ARB2A: variants seen among roughly 807,000 people sequenced by gnomAD.
ARB2A encodes the protein ARB2 cotranscriptional regulator A, also known as cotranscriptional regulator ARB2A.
chr5:94,056,422 CA>C, the ARB2A span, among the ~76,000 whole-genome samples: 1 of 151,920 alleles, frequency 6.6e-6, no homozygotes, highest in African/African-American at 2.4e-5. Context: ...AAGAGAAAAG[CA>C]ATAATGTAAA....
the ARB2A span, among the ~76,000 whole-genome samples, chr5:93,681,241 T>C: frequency 3.9e-5 from 6 of 152,192 alleles, no homozygotes; most frequent in Non-Finnish European, 7.4e-5. Context: ...ATATTCTAAC[T>C]GGTCTTCTGA....
At chr5:93,670,392 C>T in the ARB2A span, among the ~76,000 whole-genome samples, 4 of 152,302 alleles carry the variant, frequency 2.6e-5, no homozygotes, top group South Asian at 8.3e-4. Flanking sequence ...GTTCTACCTG[C>T]TACAGGCTCA....
the ARB2A span, among the ~76,000 whole-genome samples, chr5:93,692,434 A>G: frequency 6.6e-6 from 1 of 152,228 alleles, no homozygotes; most frequent in Non-Finnish European, 1.5e-5. Flanking sequence ...ACCAACAAAG[A>G]TCAAAAGAGA....
the ARB2A span, among the ~76,000 whole-genome samples, chr5:93,890,638 T>A: frequency 9.2e-5 from 14 of 152,142 alleles, no homozygotes; most frequent in South Asian, 2.9e-3. Flanking sequence ...ATGGGGATTT[T>A]AAACTAATGA....
the ARB2A span, among the ~76,000 whole-genome samples, chr5:93,741,969 A>G: frequency 2.0e-5 from 3 of 152,200 alleles, no homozygotes; most frequent in East Asian, 5.8e-4. Context: ...TTAAATATCT[A>G]TATGCCAGAT....
the ARB2A span, among the ~76,000 whole-genome samples, chr5:93,775,263 C>T: frequency 6.6e-6 from 1 of 152,114 alleles, no homozygotes; most frequent in Admixed American, 6.5e-5. Flanking sequence ...AATATGTACA[C>T]ATATTTTCAA....
the ARB2A span, among the ~76,000 whole-genome samples, chr5:93,951,474 T>G: frequency 6.6e-6 from 1 of 152,184 alleles, no homozygotes; most frequent in African/African-American, 2.4e-5. Flanking sequence ...CTTAAATTTT[T>G]TAATCTATTT....
chr5:93,795,261 G>A, the ARB2A span, among the ~76,000 whole-genome samples: 7 of 151,920 alleles, frequency 4.6e-5, no homozygotes, highest in African/African-American at 1.5e-4. Context: ...GCCTCACCCC[G>A]CTCCCATGCG....
the ARB2A span, among the ~76,000 whole-genome samples, chr5:94,059,054 T>C: frequency 2.6e-5 from 4 of 152,072 alleles, no homozygotes; most frequent in African/African-American, 9.7e-5. Context: ...ATCAGCACTA[T>C]GCTTCAGGTA....
At chr5:93,687,637 T>C in the ARB2A span, among the ~76,000 whole-genome samples, 5 of 152,244 alleles carry the variant, frequency 3.3e-5, no homozygotes, top group East Asian at 5.8e-4. Context: ...ATTTTTATAA[T>C]TGGAAAAAAG....
the ARB2A span, among the ~76,000 whole-genome samples, chr5:94,006,264 G>C: frequency 6.6e-6 from 1 of 152,104 alleles, no homozygotes; most frequent in East Asian, 1.9e-4. Context: ...AGTAAAAACA[G>C]CCAATCCCAA....
chr5:93,974,338 T>C, the ARB2A span, among the ~76,000 whole-genome samples: 2 of 152,150 alleles, frequency 1.3e-5, no homozygotes, highest in African/African-American at 4.8e-5. Flanking sequence ...CTATATCAGA[T>C]AAAATAGACT....
At chr5:93,899,272 A>G in the ARB2A span, among the ~76,000 whole-genome samples, 1 of 152,066 alleles carries the variant, frequency 6.6e-6, no homozygotes, top group East Asian at 1.9e-4. Flanking sequence ...CTACCTACAA[A>G]CTCTGTCACA....
chr5:93,716,371 A>T, the ARB2A span, among the ~76,000 whole-genome samples: 1 of 152,194 alleles, frequency 6.6e-6, no homozygotes, highest in South Asian at 2.1e-4. Flanking sequence ...TTACATCTTT[A>T]TCTTCCTGTA....
chr5:94,087,488 T>C, the ARB2A span, among the ~76,000 whole-genome samples: 1 of 152,196 alleles, frequency 6.6e-6, no homozygotes, highest in African/African-American at 2.4e-5. Context: ...TAGTTGTATA[T>C]ATTTCATGTA....
chr5:93,805,831 C>A, the ARB2A span: 1 of 985,008 alleles, frequency 1.0e-6, no homozygotes, highest in Non-Finnish European at 1.2e-6. Flanking sequence ...GCACCATACA[C>A]TTGTTGGTTG....
the ARB2A span, among the ~76,000 whole-genome samples, chr5:93,920,403 C>T: frequency 1.3e-5 from 2 of 152,086 alleles, no homozygotes; most frequent in East Asian, 3.8e-4. Context: ...ACCATTGACC[C>T]TTGAACAATA....
At chr5:93,887,393 A>T in the ARB2A span, among the ~76,000 whole-genome samples, 1 of 151,892 alleles carries the variant, frequency 6.6e-6, no homozygotes, top group Non-Finnish European at 1.5e-5. Context: ...AACATAAAGA[A>T]ACTACAGTTT....
the ARB2A span, among the ~76,000 whole-genome samples, chr5:94,085,490 G>A: frequency 5.3e-5 from 8 of 152,138 alleles, no homozygotes; most frequent in Admixed American, 1.3e-4. Context: ...TTGTTGTTAC[G>A]GGCCTCCCAT....
Sources: gnomAD v4.1 joint callset for allele counts (sites outside exome capture counted in the v4.1 genomes callset) on GRCh38, gnomAD v4.1.1 for gene constraint, MANE v1.5 for transcripts, NCBI Gene and HGNC (gene_info 2026-07-23, HGNC 2026-07-21) for gene names.